Variants in DOK6 observed in about 807,000 individuals in gnomAD.
DOK6 encodes downstream of tyrosine kinase 6.
Under a neutral mutation model 44.0 loss-of-function variants are expected in DOK6, and 22 were observed. That is an observed-to-expected ratio of 0.50 (90% CI 0.36 to 0.71). DOK6 has a LOEUF of 0.71. Among genes scored for constraint, DOK6 ranks in the 30% least tolerant of loss-of-function variants. DOK6 has a pLI of 0.00. For missense variants in DOK6, 340 were observed against 416.4 expected, an observed-to-expected ratio of 0.82 and a Z score of 1.60; for synonymous variants, 166 against 145.5, an observed-to-expected ratio of 1.14 and a Z score of -1.01.
chr18:69,692,209 G>C (rs1415408498), intron 4 of DOK6, among the ~76,000 whole-genome samples: 2 of 152,148 alleles, frequency 1.3e-5, no homozygotes, highest in East Asian at 3.9e-4. Context: ...CCTGAAAGAA[G>C]AGGAGAAACT....
intron 1 of DOK6, among the ~76,000 whole-genome samples, chr18:69,512,332 C>CTTCTTCTTTT (rs59109570): frequency 4.4e-5 from 4 of 91,694 alleles, no homozygotes; most frequent in East Asian, 7.2e-4. Context: ...CTTTCTTCTT[C>CTTCTTCTTTT]TTTTTTTTTT....
chr18:69,514,901 A>G (rs1273751766), intron 1 of DOK6, among the ~76,000 whole-genome samples: 1 of 151,354 alleles, frequency 6.6e-6, no homozygotes, highest in Non-Finnish European at 1.5e-5. Context: ...CATTCAGCTC[A>G]CTCAGTGTTG....
chr18:69,711,292 T>G (rs1986751153), intron 5 of DOK6, among the ~76,000 whole-genome samples: 1 of 152,180 alleles, frequency 6.6e-6, no homozygotes, highest in Admixed American at 6.5e-5. Context: ...ATTCATTACC[T>G]TTGGAAATAC....
intron 3 of DOK6, among the ~76,000 whole-genome samples, chr18:69,669,767 T>A (rs1208520061): frequency 6.6e-6 from 1 of 152,150 alleles, no homozygotes; most frequent in East Asian, 1.9e-4. Flanking sequence ...ATGTTAATAA[T>A]CCGGAAATTC....
chr18:69,692,428 G>A (rs1426781386), intron 4 of DOK6, among the ~76,000 whole-genome samples: 1 of 152,212 alleles, frequency 6.6e-6, no homozygotes, highest in African/African-American at 2.4e-5. Flanking sequence ...CTAAATCTGG[G>A]TCTTTTAATG....
chr18:69,495,694 C>T (rs567812462), intron 1 of DOK6, among the ~76,000 whole-genome samples: 8 of 152,326 alleles, frequency 5.3e-5, no homozygotes, highest in South Asian at 2.1e-4. Flanking sequence ...TTGGACATCC[C>T]GTTCTGCCCA....
At chr18:69,572,568 C>A (rs1983139321) in intron 2 of DOK6, among the ~76,000 whole-genome samples, 1 of 151,822 alleles carries the variant, frequency 6.6e-6, no homozygotes, top group Non-Finnish European at 1.5e-5. Context: ...TTCTATAGTT[C>A]TGGATAAAAT....
At chr18:69,426,733 G>T (rs901976729) in intron 1 of DOK6, among the ~76,000 whole-genome samples, 1 of 152,150 alleles carries the variant, frequency 6.6e-6, no homozygotes, top group Admixed American at 6.5e-5. Flanking sequence ...TATGATATGT[G>T]TCACATTTTG....
chr18:69,561,970 A>G lies in DOK6; in HGVS notation c.67-2517A>G, dbSNP rs112084550. 2.2e-3 allele frequency among the ~76,000 whole-genome samples: 332 copies of G among 152,296 alleles called. 1 individual carries two copies. The highest frequency in any genetic ancestry group is 7.6e-3 in the African/African-American group (314 of 41,582). ...ATTTAAATGAAGACATAGAAGAGAA[A>G]TATTGTGATCTAGATTTCAGAAGTT... On this transcript the variant is annotated intron_variant, in intron 1 of 7. Transcript: ENST00000382713.
At chr18:69,496,762 G>A (rs576982315) in intron 1 of DOK6, among the ~76,000 whole-genome samples, 1 of 152,058 alleles carries the variant, frequency 6.6e-6, no homozygotes, top group East Asian at 1.9e-4. Context: ...ATATCACATT[G>A]TAGTTACTTT....
At chr18:69,833,184 A>G (rs1050302297) in intron 7 of DOK6, among the ~76,000 whole-genome samples, 1 of 152,110 alleles carries the variant, frequency 6.6e-6, no homozygotes, top group Non-Finnish European at 1.5e-5. Context: ...GTATAGTAAC[A>G]AAAACAGCAT....
In DOK6 at chr18:69,841,880, A is replaced by C. The variant is rs147021568; in HGVS notation, c.*497A>C. On this transcript the variant is annotated 3_prime_UTR_variant, in exon 8 of 8. Coordinates refer to ENST00000382713, the MANE Select transcript of DOK6 (RefSeq NM_152721.6). ...AATGACATCGTAGCTGCATATAAAT[A>C]AACCCAGTGACAATTAAAGGAACAT... 6.3e-6 allele frequency: 1 copy of C among 158,184 alleles called. No individual in the cohort carries two copies. The highest frequency in any genetic ancestry group is 1.8e-4 in the East Asian group (1 of 5,540). The allele number at this position is 158,184 out of a possible 1,614,324, so 9.8% of individuals were successfully genotyped here.
At chr18:69,521,262 A>C (rs1981676542) in intron 1 of DOK6, among the ~76,000 whole-genome samples, 1 of 151,866 alleles carries the variant, frequency 6.6e-6, no homozygotes, top group Admixed American at 6.6e-5. Flanking sequence ...ATATATACTT[A>C]TTTGTCATAG....
At chr18:69,513,714 T>A (rs1276065885) in intron 1 of DOK6, among the ~76,000 whole-genome samples, 1 of 152,192 alleles carries the variant, frequency 6.6e-6, no homozygotes, top group Non-Finnish European at 1.5e-5. Context: ...GGTGTGACAG[T>A]AATTATAAAA....
At chr18:69,692,463 C>T (rs1986288820) in intron 4 of DOK6, among the ~76,000 whole-genome samples, 1 of 152,200 alleles carries the variant, frequency 6.6e-6, no homozygotes, top group Non-Finnish European at 1.5e-5. Context: ...ACAGATTTAA[C>T]CTAAACAATG....
chr18:69,502,769 G>A (rs895224778), intron 1 of DOK6, among the ~76,000 whole-genome samples: 1 of 151,920 alleles, frequency 6.6e-6, no homozygotes, highest in Non-Finnish European at 1.5e-5. Flanking sequence ...CAAACAGCAC[G>A]CTCCTTTATA....
At chr18:69,625,713 T>C (rs933278798) in intron 3 of DOK6, among the ~76,000 whole-genome samples, 4 of 152,242 alleles carry the variant, frequency 2.6e-5, no homozygotes, top group Non-Finnish European at 4.4e-5. Context: ...TTACTATTTA[T>C]TGTATGAACT....
At chr18:69,720,939 T>C (rs2144723476) in intron 5 of DOK6, among the ~76,000 whole-genome samples, 1 of 152,286 alleles carries the variant, frequency 6.6e-6, no homozygotes, top group East Asian at 1.9e-4. Flanking sequence ...TTTACTTTCC[T>C]ACTAAAATGC....
intron 6 of DOK6, among the ~76,000 whole-genome samples, chr18:69,744,440 A>G (rs1045408021): frequency 3.1e-5 from 4 of 128,004 alleles, no homozygotes; most frequent in African/African-American, 5.2e-5. Context: ...TCACATTTGC[A>G]TATTTGTGAT....
Sources: gnomAD v4.1 joint callset for allele counts (sites outside exome capture counted in the v4.1 genomes callset) on GRCh38, gnomAD v4.1.1 for gene constraint, MANE v1.5 for transcripts, NCBI Gene and HGNC (gene_info 2026-07-23, HGNC 2026-07-21) for gene names.